The following NAV3 variants were observed in gnomAD, a reference collection of about 807,000 sequenced individuals.
The protein encoded by NAV3 is pore membrane and/or filament interacting like protein 1.
In NAV3, 87 loss-of-function variants were observed where a neutral mutation model predicts 244.7. The observed-to-expected ratio is 0.36, with a 90% confidence interval of 0.30 to 0.42. The LOEUF is 0.42. Among genes scored for constraint, NAV3 ranks in the 20% least tolerant of loss-of-function variants. The pLI is 1.00. For synonymous variants in NAV3, 1,126 were observed against 1,042.2 expected, an observed-to-expected ratio of 1.08 and a Z score of -1.55; for missense variants, 2,663 against 2,893.3, an observed-to-expected ratio of 0.92 and a Z score of 1.83.
At chr12:77,973,190 T>C (rs999868132) in intron 5 of NAV3, among the ~76,000 whole-genome samples, 2 of 152,196 alleles carry the variant, frequency 1.3e-5, no homozygotes, top group South Asian at 2.1e-4. Context: ...TGTTATCAAA[T>C]AGTTGATGAA....
chr12:78,113,798 T>C (rs1025890380), intron 12 of NAV3, among the ~76,000 whole-genome samples: 8 of 152,214 alleles, frequency 5.3e-5, no homozygotes, highest in African/African-American at 1.9e-4. Context: ...CAGGCTTGAA[T>C]TTCTCCTCAG....
intron 12 of NAV3, among the ~76,000 whole-genome samples, chr12:78,116,363 T>C (rs1955378118): frequency 6.6e-6 from 1 of 152,182 alleles, no homozygotes; most frequent in South Asian, 2.1e-4. Flanking sequence ...ATTTTCTGGT[T>C]CCTGACTACA....
chr12:78,188,220 T>C (rs1232152720), intron 31 of NAV3, 28 bp from the exon 32 acceptor site: 1 of 1,491,216 alleles, frequency 6.7e-7, no homozygotes, highest in Non-Finnish European at 9.3e-7. Context: ...GGTTGGATTT[T>C]ATCTTACTTT....
chr12:77,785,532 C>T (rs540450485), intron 2 of NAV3, among the ~76,000 whole-genome samples: 2 of 152,164 alleles, frequency 1.3e-5, no homozygotes, highest in South Asian at 4.1e-4. Flanking sequence ...AGTAACCTTC[C>T]AGGAGATTAA....
At chr12:77,605,281 G>C (rs894121935) in intron 2 of NAV3, among the ~76,000 whole-genome samples, 5 of 151,904 alleles carry the variant, frequency 3.3e-5, no homozygotes, top group Non-Finnish European at 7.4e-5. Flanking sequence ...AAGTATTATA[G>C]GTATTATAAT....
intron 2 of NAV3, among the ~76,000 whole-genome samples, chr12:77,785,454 T>TAA (rs1870861288): frequency 1.3e-5 from 2 of 152,020 alleles, no homozygotes; most frequent in Admixed American, 6.6e-5. Context: ...GATGTCTTCC[T>TAA]AAGAGGCATT....
intron 2 of NAV3, among the ~76,000 whole-genome samples, chr12:77,655,119 G>A (rs886613340): frequency 6.6e-6 from 1 of 152,206 alleles, no homozygotes; most frequent in African/African-American, 2.4e-5. Flanking sequence ...GAATGACTTT[G>A]AGTTGAGAGA....
chr12:78,064,410 T>TCTGCCTGC, intron 12 of NAV3, among the ~76,000 whole-genome samples: 1 of 137,420 alleles, frequency 7.3e-6, no homozygotes, highest in South Asian at 2.5e-4. Context: ...TGTCTGTCTG[T>TCTGCCTGC]CTGTCTGTCT....
Position 78,177,405 on chromosome 12 carries a change from T to C in NAV3, c.5297+92T>C. ...TATGTTCTAACCATATCTGTACCAA[T>C]TATTTTCAGATTTTTCTGAGAATGA... On this transcript the variant is annotated intron_variant, in intron 27 of 39. Coordinates refer to ENST00000397909, the MANE Select transcript of NAV3 (RefSeq NM_001024383.2). The C allele has an allele frequency of 2.8e-6, 4 of 1,416,154 alleles. No homozygotes were observed. The South Asian group carries it at 4.1e-5, about 14-fold the overall frequency. The allele number at this position is 1,416,154 out of a possible 1,614,324, so 87.7% of individuals were successfully genotyped here.
chr12:77,703,420 C>T (rs1186474586), intron 2 of NAV3, among the ~76,000 whole-genome samples: 2 of 152,090 alleles, frequency 1.3e-5, no homozygotes. Flanking sequence ...TTTATCCATT[C>T]TTCAGGTGTG....
intron 2 of NAV3, among the ~76,000 whole-genome samples, chr12:77,596,546 A>G (rs1211830092): frequency 6.6e-6 from 1 of 152,200 alleles, no homozygotes; most frequent in Non-Finnish European, 1.5e-5. Flanking sequence ...ATAGTTTTAT[A>G]CAGGGTATAT....
At chr12:77,913,464 A>T (rs941967325) in intron 1 of NAV3, among the ~76,000 whole-genome samples, 11 of 151,982 alleles carry the variant, frequency 7.2e-5, no homozygotes, top group African/African-American at 2.7e-4. Context: ...ACACAGTCTC[A>T]CTCTGTCACC....
chr12:78,131,628 A>G (rs1352214320), intron 18 of NAV3, among the ~76,000 whole-genome samples: 2 of 152,100 alleles, frequency 1.3e-5, no homozygotes, highest in East Asian at 3.8e-4. Flanking sequence ...TTTCCTCACC[A>G]TTATTATTCT....
At chr12:77,761,092 C>G (rs1208061192) in intron 2 of NAV3, among the ~76,000 whole-genome samples, 1 of 152,108 alleles carries the variant, frequency 6.6e-6, no homozygotes, top group Non-Finnish European at 1.5e-5. Flanking sequence ...GAGTCTCATG[C>G]CATCATCCAG....
rs17044677 is a variant in NAV3, at chr12:77,995,580, G to A, written c.740+709G>A. Among the ~76,000 whole-genome samples the A allele has an allele frequency of 8.8e-3, 1,339 of 152,230 alleles. 9 individuals carry two copies. The highest frequency in any genetic ancestry group is 0.015 in the Non-Finnish European group (1,047 of 68,002). The stretch of plus-strand genomic sequence containing the variant: ...CCTTTGTGTCATCTCACTCACTGGG[G>A]AAGTATCCAGCAGTGGTTTATTCAT... On this transcript the variant is annotated intron_variant, in intron 6 of 39. Transcript: ENST00000397909.
chr12:78,045,443 G>A (rs1020135975), intron 9 of NAV3, among the ~76,000 whole-genome samples: 4 of 152,028 alleles, frequency 2.6e-5, no homozygotes, highest in Admixed American at 1.3e-4. Context: ...CTGCAGGTGT[G>A]TGCCACCATA....
intron 2 of NAV3, among the ~76,000 whole-genome samples, chr12:77,600,507 T>G (rs1226944184): frequency 6.6e-6 from 1 of 151,932 alleles, no homozygotes; most frequent in African/African-American, 2.4e-5. Flanking sequence ...TAGGCTGTTC[T>G]CACCATGGGG....
At chr12:77,654,676 C>G (rs1263670424) in intron 2 of NAV3, among the ~76,000 whole-genome samples, 1 of 152,152 alleles carries the variant, frequency 6.6e-6, no homozygotes, top group Non-Finnish European at 1.5e-5. Context: ...TGACCCCTGA[C>G]CCCTGAGCAG....
intron 5 of NAV3, among the ~76,000 whole-genome samples, chr12:77,979,113 G>A (rs1266392608): frequency 2.6e-5 from 4 of 151,376 alleles, no homozygotes; most frequent in African/African-American, 4.9e-5. Context: ...GATAGCTCAT[G>A]CCTGTAATCC....
Sources: gnomAD v4.1 joint callset for allele counts (sites outside exome capture counted in the v4.1 genomes callset) on GRCh38, gnomAD v4.1.1 for gene constraint, MANE v1.5 for transcripts, NCBI Gene and HGNC (gene_info 2026-07-23, HGNC 2026-07-21) for gene names.